The following AP4E1 variants were observed in gnomAD, a reference collection of about 807,000 sequenced individuals.
The protein encoded by AP4E1 is adaptor related protein complex 4 subunit epsilon 1.
A neutral mutation model predicts 128.2 loss-of-function variants in AP4E1; 56 were observed. That is an observed-to-expected ratio of 0.44 (90% CI 0.35 to 0.55). The LOEUF (loss-of-function observed/expected upper bound fraction) is 0.55, where lower values mean the gene tolerates loss of function less well. AP4E1 is among the 20% of genes least tolerant of loss of function. The pLI is 0.00. For synonymous variants in AP4E1, 484 were observed against 473.1 expected (o/e 1.02, Z -0.30); for missense variants, 1,324 against 1,307.7 (o/e 1.01, Z -0.19).
intron 5 of AP4E1, among the ~76,000 whole-genome samples, chr15:50,927,835 A>G (rs550507915): frequency 2.0e-5 from 3 of 152,306 alleles, no homozygotes; most frequent in Non-Finnish European, 2.9e-5. Flanking sequence ...TTGAGATTCT[A>G]CGACAGAAAT....
At chr15:50,963,426 A>G (rs922363059) in intron 14 of AP4E1, among the ~76,000 whole-genome samples, 3 of 152,202 alleles carry the variant, frequency 2.0e-5, no homozygotes, top group African/African-American at 7.2e-5. Flanking sequence ...ATAATATCCC[A>G]GCAACATAGA....
intron 1 of AP4E1, among the ~76,000 whole-genome samples, chr15:50,910,312 G>T (rs2063549854): frequency 1.3e-5 from 2 of 152,140 alleles, no homozygotes; most frequent in African/African-American, 2.4e-5. Flanking sequence ...TGCACGGATT[G>T]TGTAGTATAC....
At chr15:50,935,560 G>T (rs1414045194) in intron 8 of AP4E1, among the ~76,000 whole-genome samples, 1 of 152,160 alleles carries the variant, frequency 6.6e-6, no homozygotes, top group Non-Finnish European at 1.5e-5. Context: ...TTAAAAGGTA[G>T]AACAGTTTGA....
At position 51,001,083 on chromosome 15, in the gene AP4E1, T is replaced by C. The variant is rs1595586837; in HGVS notation, c.3153T>C (p.Asp1051=). The change falls in exon 20 of 21, where the codon GAT becomes GAC. Residue 1051 remains aspartate, a synonymous_variant. Transcript: ENST00000261842. ...AACTCTGGTTATCCTTCGCAAATGA[T>C]GTGAAACAAAATGTAAAAATGTCAG... is the stretch of plus-strand genomic sequence containing the variant. ...FGKLWLSFAN[D]VKQNVKMSES... The C allele has an allele frequency of 6.2e-7, 1 of 1,613,614 alleles. No homozygotes were observed. The highest frequency in any genetic ancestry group is 2.2e-5 in the East Asian group (1 of 44,786).
chr15:50,948,095 C>T lies in AP4E1; in HGVS notation c.1252C>T (p.His418Tyr). Reference protein sequence around the residue: ...VIVQKMLEYLHQSKEEYVIVN... With the variant: ...VIVQKMLEYLYQSKEEYVIVN... ...TGTCCAGAAAATGCTTGAATATTTA[C>T]ATCAGAGCAAAGAAGAGTATGTCAT... Residue 418 changes from histidine to tyrosine, a missense_variant, in exon 11 of 21, where the codon CAT becomes TAT. Physicochemically the swap from His to Tyr is moderately conservative, Grantham distance 83. Coordinates refer to ENST00000261842, the MANE Select transcript of AP4E1 (RefSeq NM_007347.5). The T allele has an allele frequency of 6.2e-7, 1 of 1,613,774 alleles. No individual in the cohort carries two copies. Among genetic ancestry groups the T allele is most frequent in the Non-Finnish European group, 8.5e-7 (1 of 1,179,770 alleles).
chr15:50,929,019 C>T lies in AP4E1; in HGVS notation c.553C>T (p.Arg185Ter), dbSNP rs781292684. 9 of 1,613,508 alleles carry T rather than the reference C, an allele frequency of 5.6e-6. No individual in the cohort carries two copies. Among genetic ancestry groups the T allele is most frequent in the East Asian group, 2.2e-5 (1 of 44,774 alleles). Residue 185 changes from arginine to a stop codon, truncating the protein, a stop_gained, in exon 6 of 21, where the codon CGA (arginine) becomes TGA (stop). Transcript: ENST00000261842. LOFTEE classifies it high-confidence loss of function. ...ATTTTTTGTCTTCAGGGAGATTGTACGAAGAAAAGCTGTTCTGGCATTATA... is the reference window on the plus strand; with the variant it reads ...ATTTTTTGTCTTCAGGGAGATTGTATGAAGAAAAGCTGTTCTGGCATTATA... ...DKLQHSKEIV[R>*]RKAVLALYKF...
In AP4E1 at chr15:50,945,045, G is replaced by T. The variant is rs189756537; in HGVS notation, c.1177-2975G>T. 5,412 of 778,048 alleles carry T rather than the reference G, an allele frequency of 7.0e-3. 128 individuals are homozygous for T. The highest frequency in any genetic ancestry group is 0.048 in the South Asian group (3,556 of 74,076). 48.2% of individuals were successfully genotyped at this position (778,048 alleles called of 1,614,324 possible). On this transcript the variant is annotated intron_variant, in intron 10 of 20. Transcript: ENST00000261842. ...TGGGACTTCTTTTTTCACCGTTGGT[G>T]GTGACAAAACTGTGAAACAATGGAA...
Position 50,921,880 on chromosome 15 carries a change from G to A in AP4E1, c.347-2051G>A, listed in dbSNP as rs375947220. On this transcript the variant is annotated intron_variant, in intron 3 of 20. Transcript: ENST00000261842. ...TTTTTTTCTGATTGTTGAAACAGTT[G>A]GGATATTATTCATAACAGAAAGAAC... 3.1e-4 allele frequency among the ~76,000 whole-genome samples: 47 copies of A among 151,988 alleles called. No individual in the cohort carries two copies. The South Asian group carries it at 9.1e-3, about 30-fold the overall frequency.
intron 13 of AP4E1, among the ~76,000 whole-genome samples, chr15:50,952,122 A>C (rs2064158356): frequency 6.6e-6 from 1 of 152,206 alleles, no homozygotes; most frequent in African/African-American, 2.4e-5. Flanking sequence ...TGAGCTGTTT[A>C]GAATTGAATT....
At chr15:50,964,049 T>A (rs1436641214) in intron 14 of AP4E1, among the ~76,000 whole-genome samples, 3 of 152,242 alleles carry the variant, frequency 2.0e-5, no homozygotes, top group Non-Finnish European at 4.4e-5. Flanking sequence ...TCTGTATCTC[T>A]TGCAAGACTT....
chr15:50,922,657 G>A (rs896961755), intron 3 of AP4E1, among the ~76,000 whole-genome samples: 1 of 151,678 alleles, frequency 6.6e-6, no homozygotes, highest in Non-Finnish European at 1.5e-5. Flanking sequence ...GGTCAAGATA[G>A]ACTATGTGGA....
chr15:50,930,455 G>A (rs951125441), intron 6 of AP4E1, among the ~76,000 whole-genome samples: 1 of 151,018 alleles, frequency 6.6e-6, no homozygotes, highest in African/African-American at 2.4e-5. Flanking sequence ...ATCCAAAGCC[G>A]AGGTATTACT....
intron 3 of AP4E1, 117 bp downstream of exon 3, chr15:50,915,688 C>G: frequency 2.4e-6 from 3 of 1,265,782 alleles, no homozygotes; most frequent in Non-Finnish European, 3.3e-6. Flanking sequence ...ATTATAATTT[C>G]TAAAACTTTA....
Position 50,958,707 on chromosome 15 carries a change from A to G in AP4E1, c.1764A>G (p.Gln588=), listed in dbSNP as rs747574510. The change falls in exon 14 of 21, where the codon CAA becomes CAG. Residue 588 remains glutamine, a synonymous_variant. Coordinates refer to ENST00000261842, the MANE Select transcript of AP4E1 (RefSeq NM_007347.5). ...TATCTTTGGATACTTGTATGAGACAACATGCATTTGAATTAAAACATTTGC... is the reference window on the plus strand; with the variant it reads ...TATCTTTGGATACTTGTATGAGACAGCATGCATTTGAATTAAAACATTTGC... The part of the protein sequence containing the change: ...FTISLDTCMR[Q]HAFELKHLHE... 6.2e-7 allele frequency: 1 copy of G among 1,614,142 alleles called. No homozygotes were observed. The highest frequency in any genetic ancestry group is 8.5e-7 in the Non-Finnish European group (1 of 1,179,994).
In AP4E1 at chr15:50,915,546, A is replaced by G. The variant is rs2063619540; in HGVS notation, c.321A>G (p.Gln107=). ...TTCATGCAATCAAGTTAGCCCAACAAGGAAACCTCTTAGAAAAAAGAGTAG... is the reference window on the plus strand; with the variant it reads ...TTCATGCAATCAAGTTAGCCCAACAGGGAAACCTCTTAGAAAAAAGAGTAG... ...GYIHAIKLAQ[Q]GNLLEKRVGY... Residue 107 remains glutamine (Q), a synonymous_variant, in exon 3 of 21, where the codon CAA becomes CAG. Coordinates refer to ENST00000261842, the MANE Select transcript of AP4E1 (RefSeq NM_007347.5). The G allele has an allele frequency of 6.2e-7, 1 of 1,613,522 alleles. No individual in the cohort carries two copies. Among genetic ancestry groups the G allele is most frequent in the Admixed American group, 1.7e-5 (1 of 59,988 alleles).
At chr15:50,951,404 CA>C (rs2064148157) in intron 13 of AP4E1, among the ~76,000 whole-genome samples, 1 of 152,218 alleles carries the variant, frequency 6.6e-6, no homozygotes, top group South Asian at 2.1e-4. Context: ...CCTGCTTCAT[CA>C]AAGCCAGTAG....
At chr15:50,943,406 C>T (rs2064014111) in intron 10 of AP4E1, among the ~76,000 whole-genome samples, 2 of 151,862 alleles carry the variant, frequency 1.3e-5, no homozygotes, top group South Asian at 4.2e-4. Context: ...AAAAAATTTG[C>T]CTTCATATAT....
Position 50,980,220 on chromosome 15 carries a change from A to G in AP4E1, c.1967-3802A>G, listed in dbSNP as rs553981068. Among the ~76,000 whole-genome samples the G allele has an allele frequency of 8.5e-5, 13 of 152,304 alleles. No homozygotes were observed. The South Asian group carries it at 2.1e-3, about 24-fold the overall frequency. ...ATGAGATCCCAGACAGGAAAGAGGA[A>G]TATATCTTGTTGGAAACTGGAGTAA... On this transcript the variant is annotated intron_variant, in intron 15 of 20. Coordinates refer to ENST00000261842, the MANE Select transcript of AP4E1 (RefSeq NM_007347.5).
Position 50,934,690 on chromosome 15 carries a change from C to A in AP4E1, c.936C>A (p.Val312=). 6.3e-7 allele frequency: 1 copy of A among 1,597,030 alleles called. No individual in the cohort carries two copies. Among genetic ancestry groups the A allele is most frequent in the South Asian group, 1.1e-5 (1 of 90,606 alleles). Residue 312 remains valine, a synonymous_variant, in exon 8 of 21, where the codon GTC becomes GTA. Coordinates refer to ENST00000261842, the MANE Select transcript of AP4E1 (RefSeq NM_007347.5). The part of the protein sequence containing the change: ...SLRRAELNHN[V]TYAILFECVH... ...GAAGAGCTGAGTTAAATCACAATGTCACATATGGTAGGTAATATATGTAAA... is the reference window on the plus strand; with the variant it reads ...GAAGAGCTGAGTTAAATCACAATGTAACATATGGTAGGTAATATATGTAAA...
Sources: allele counts gnomAD v4.1 joint callset (sites outside exome capture counted in the v4.1 genomes callset), GRCh38; gene constraint gnomAD v4.1.1; transcripts MANE v1.5; gene names NCBI Gene and HGNC (gene_info 2026-07-23, HGNC 2026-07-21).